The following POLR2F variants were observed in gnomAD, a reference collection of about 807,000 sequenced individuals.
POLR2F encodes the protein DNA-directed RNA polymerases I, II, and III subunit RPABC2.
In POLR2F, 12 loss-of-function variants were observed where a neutral mutation model predicts 22.7. The observed-to-expected ratio is 0.53, with a 90% CI of 0.34 to 0.86. The LOEUF is 0.86. Among genes scored for constraint, POLR2F ranks in the 40% least tolerant of loss-of-function variants. The probability of loss-of-function intolerance (pLI) is 0.02; values close to 1 mark genes in which losing one functional copy is unlikely to be tolerated. For missense variants in POLR2F, 126 were observed against 171.5 expected (o/e 0.73, Z 1.48); for synonymous variants, 57 against 66.0 (o/e 0.86, Z 0.66).
In POLR2F at chr22:37,978,289, C is replaced by T. The variant is rs1030824746; in HGVS notation, c.293+11119C>T. 6.6e-6 allele frequency among the ~76,000 whole-genome samples: 1 copy of T among 152,148 alleles called. No individual in the cohort carries two copies. The highest frequency in any genetic ancestry group is 2.4e-5 in the African/African-American group (1 of 41,432). ...CAGGACCCGGGGTGGGGGCTGTGCCCTATGATTTGTGGACTGAGAGATGTG... is the reference window on the plus strand; with the variant it reads ...CAGGACCCGGGGTGGGGGCTGTGCCTTATGATTTGTGGACTGAGAGATGTG... On this transcript the variant is annotated intron_variant, in intron 4 of 4. Transcript: ENST00000405557. The surrounding 1 kb of genome is among the most constrained non-coding windows in gnomAD (Gnocchi z 5.0).
rs1263768260 is a variant in POLR2F, at chr22:37,968,609, C to T, written c.*894C>T. 3.0e-6 allele frequency: 3 copies of T among 985,464 alleles called. No individual in the cohort carries two copies. In the African/African-American group the frequency reaches 5.2e-5, roughly 17 times the overall value. The allele number at this position is 985,464 out of a possible 1,614,324, so 61.0% of individuals were successfully genotyped here. The stretch of plus-strand genomic sequence containing the variant: ...CCTTTCTCCACCCTGCTTACCCAAC[C>T]TGAGGTAAGACCAGTCACACTGGCT... On this transcript the variant is annotated 3_prime_UTR_variant, in exon 5 of 5. Transcript: ENST00000442738.
At chr22:38,020,046 A>G (rs1251687825) in intron 1 of POLR2F, among the ~76,000 whole-genome samples, 1 of 151,748 alleles carries the variant, frequency 6.6e-6, no homozygotes, top group East Asian at 1.9e-4. Flanking sequence ...CAAAAATAAA[A>G]CAGAAGTCCA....
intron 4 of POLR2F, among the ~76,000 whole-genome samples, chr22:37,975,474 A>G (rs544999135): frequency 6.6e-6 from 1 of 151,798 alleles, no homozygotes; most frequent in African/African-American, 2.4e-5. Context: ...GGGTCTCCTG[A>G]TGTGTGTGTG....
At position 37,978,564 on chromosome 22, in the gene POLR2F, C is replaced by G. The variant is rs1569169477; in HGVS notation, c.293+11394C>G. ...GACTGAGGGTGGGCAATAGAAGCAG[C>G]ATGGCTGGGGGAGAACTCAGTCTCT... On this transcript the variant is annotated intron_variant, in intron 4 of 4. Coordinates refer to the POLR2F transcript ENST00000405557. The surrounding 1 kb of genome is among the most constrained non-coding windows in gnomAD (Gnocchi z 5.0). 1.3e-5 allele frequency among the ~76,000 whole-genome samples: 2 copies of G among 152,326 alleles called. No individual in the cohort carries two copies. The highest frequency in any genetic ancestry group is 3.9e-4 in the East Asian group (2 of 5,188).
chr22:38,003,626 G>C (rs2084794639), intron 1 of POLR2F, among the ~76,000 whole-genome samples: 2 of 151,760 alleles, frequency 1.3e-5, no homozygotes, highest in Admixed American at 1.3e-4. Flanking sequence ...GTCACCACTG[G>C]AGTGCAGTGG....
chr22:37,987,412 C>G (rs1376651940), intron 1 of POLR2F: 1 of 403,238 alleles, frequency 2.5e-6, no homozygotes, highest in African/African-American at 2.1e-5. Flanking sequence ...AGCAGTGACC[C>G]TTCACCCCCC....
chr22:37,979,363 G>T (rs1421203276), intron 4 of POLR2F, among the ~76,000 whole-genome samples: 1 of 152,192 alleles, frequency 6.6e-6, no homozygotes, highest in African/African-American at 2.4e-5. Context: ...CTCCCAAAGT[G>T]CTGAGATTAT....
chr22:38,036,417 A>C (rs2085116655), intron 5 of POLR2F, among the ~76,000 whole-genome samples: 2 of 151,696 alleles, frequency 1.3e-5, no homozygotes, highest in Non-Finnish European at 1.5e-5. Flanking sequence ...GGAAGTCCAC[A>C]GGCAACTTTC....
chr22:37,970,251 G>A (rs1457728974), downstream of POLR2F, among the ~76,000 whole-genome samples: 3 of 146,890 alleles, frequency 2.0e-5, no homozygotes, highest in African/African-American at 5.1e-5. Flanking sequence ...CCGAGATCCC[G>A]CTACTGCACT....
chr22:38,037,275 T>TATGTC lies in POLR2F; in HGVS notation c.453-3788_453-3784dup, dbSNP rs58253381. Among the ~76,000 whole-genome samples, 9 of 149,820 alleles carry TATGTC rather than the reference T, an allele frequency of 6.0e-5. No individual in the cohort carries two copies. The East Asian group carries it at 1.6e-3, about 27-fold the overall frequency. On this transcript the variant is annotated intron_variant, in intron 5 of 5. Transcript: ENST00000407936. The stretch of plus-strand genomic sequence containing the variant: ...TATGTTATGTTATGTTATGTTATGT[T>TATGTC]ATGTCATGTTATTTTTGAGACAAGG...
At chr22:38,020,823 C>T (rs747575708) in intron 1 of POLR2F, among the ~76,000 whole-genome samples, 7 of 152,116 alleles carry the variant, frequency 4.6e-5, no homozygotes, top group East Asian at 3.8e-4. Flanking sequence ...CACCCCCTCT[C>T]GTTGCCATGG....
chr22:37,959,463 G>A lies in POLR2F; in HGVS notation c.208G>A (p.Ala70Thr). 6.2e-7 allele frequency: 1 copy of A among 1,613,860 alleles called. No individual in the cohort carries two copies. The highest frequency in any genetic ancestry group is 8.5e-7 in the Non-Finnish European group (1 of 1,179,938). The change falls in exon 3 of 5, where the codon GCG becomes ACG. Residue 70 changes from alanine (A) to threonine (T), a missense_variant. Physicochemically the swap from Ala to Thr is moderately conservative, Grantham distance 58 (BLOSUM62 0). Coordinates refer to ENST00000442738, the MANE Select transcript of POLR2F (RefSeq NM_021974.5). ...YERARVLGTR[A>T]LQIAMCAPVM... ...GCGAGCCCGCGTGCTGGGCACCCGA[G>A]CGCTCCAGATTGCGTGAGTGATTGC...
At chr22:37,957,582 C>G (rs1462338299) in intron 2 of POLR2F, among the ~76,000 whole-genome samples, 1 of 152,106 alleles carries the variant, frequency 6.6e-6, no homozygotes, top group Non-Finnish European at 1.5e-5. Context: ...AGACATGGAG[C>G]CTTCTCTCTC....
chr22:37,963,380 T>C (rs1931726954), intron 3 of POLR2F, among the ~76,000 whole-genome samples: 1 of 152,160 alleles, frequency 6.6e-6, no homozygotes, highest in Non-Finnish European at 1.5e-5. Context: ...CCTCAAAACT[T>C]CTAGGCTTAA....
At chr22:37,995,432 A>G (rs928307566) in intron 1 of POLR2F, among the ~76,000 whole-genome samples, 4 of 152,106 alleles carry the variant, frequency 2.6e-5, no homozygotes, top group Non-Finnish European at 5.9e-5. Context: ...GGGATCACCT[A>G]AAGCTCATGT....
At position 38,016,725 on chromosome 22, in the gene POLR2F, G is replaced by A. The variant is rs1358352311; in HGVS notation, c.121-9144G>A. 2.9e-5 allele frequency among the ~76,000 whole-genome samples: 4 copies of A among 139,760 alleles called. No homozygotes were observed. The highest frequency in any genetic ancestry group is 2.8e-4 in the Admixed American group (4 of 14,192). The allele number at this position is 139,760 out of a possible 152,430, so 91.7% of individuals were successfully genotyped here. A position where few individuals can be genotyped will look rare whatever the true frequency, so the allele number is the denominator to read the frequency against. On this transcript the variant is annotated intron_variant, in intron 1 of 2. Coordinates refer to the POLR2F transcript ENST00000333418. This position sits in a 1 kb window ranked among gnomAD's most constrained non-coding sequence, Gnocchi z 4.4. ...GGGCGGGTGGAAAGAGTGCTGGCACGCACCGCGGGGGGAGGGGGCGGGAGG... is the reference window on the plus strand; with the variant it reads ...GGGCGGGTGGAAAGAGTGCTGGCACACACCGCGGGGGGAGGGGGCGGGAGG...
intron 1 of POLR2F, chr22:38,025,473 C>T (rs1601914316): frequency 8.6e-6 from 12 of 1,388,036 alleles, no homozygotes; most frequent in Non-Finnish European, 1.1e-5. Context: ...CTCAAAGATA[C>T]GATCACAAAC....
chr22:38,010,401 GGA>G (rs146984900), intron 1 of POLR2F, among the ~76,000 whole-genome samples: 3 of 150,960 alleles, frequency 2.0e-5, no homozygotes, highest in Non-Finnish European at 1.5e-5. Flanking sequence ...AAGAAAGAGA[GGA>G]GAGAGAGAGA....
At chr22:38,014,419 C>T (rs180873335) in intron 1 of POLR2F, among the ~76,000 whole-genome samples, 20 of 148,422 alleles carry the variant, frequency 1.3e-4, no homozygotes, top group East Asian at 1.0e-3. Flanking sequence ...GGTGCTATCT[C>T]GGCTCATCAC....
Sources: gnomAD v4.1 joint callset for allele counts (sites outside exome capture counted in the v4.1 genomes callset) on GRCh38, gnomAD v4.1.1 for gene constraint, Gnocchi (gnomAD v3.1) non-coding constraint, MANE v1.5 for transcripts, NCBI Gene and HGNC (gene_info 2026-07-23, HGNC 2026-07-21) for gene names.